NEGR1: variants seen among roughly 807,000 people sequenced by gnomAD.
NEGR1 encodes the protein IgLON family member 4.
A neutral mutation model predicts 40.9 loss-of-function variants in NEGR1; 10 were observed. The observed-to-expected ratio is 0.24, with a 90% CI of 0.15 to 0.42. The LOEUF is 0.42. Among genes scored for constraint, NEGR1 ranks in the 10% least tolerant of loss-of-function variants. The pLI is 1.00. For synonymous variants in NEGR1, 185 were observed against 166.8 expected (o/e 1.11, Z -0.84); for missense variants, 352 against 438.9 (o/e 0.80, Z 1.77).
chr1:72,148,923 C>T (rs1651014056), intron 1 of NEGR1, among the ~76,000 whole-genome samples: 1 of 152,130 alleles, frequency 6.6e-6, no homozygotes, highest in African/African-American at 2.4e-5. Context: ...TCTTCTGAGC[C>T]CTCCAAACTG....
chr1:72,183,440 TCCTTCCACAGA>T (rs2100417021), intron 1 of NEGR1, among the ~76,000 whole-genome samples: 1 of 152,232 alleles, frequency 6.6e-6, no homozygotes, highest in East Asian at 1.9e-4. Flanking sequence ...CCTCTGTCTC[TCCTTCCACAGA>T]CATCAGATGA....
At chr1:71,808,996 G>A (rs1657884074) in intron 2 of NEGR1, among the ~76,000 whole-genome samples, 1 of 152,072 alleles carries the variant, frequency 6.6e-6, no homozygotes, top group Admixed American at 6.6e-5. Flanking sequence ...CCATTTACAT[G>A]ATTAGATCCT....
intron 2 of NEGR1, among the ~76,000 whole-genome samples, chr1:71,927,614 A>G (rs1645786917): frequency 1.3e-5 from 2 of 151,796 alleles, no homozygotes; most frequent in South Asian, 4.2e-4. Context: ...GTCTCTCTAG[A>G]CCTCAATAAT....
intron 3 of NEGR1, among the ~76,000 whole-genome samples, chr1:71,722,984 T>C (rs1395640321): frequency 1.3e-5 from 2 of 152,100 alleles, no homozygotes; most frequent in Non-Finnish European, 2.9e-5. Context: ...CCTAGTATTT[T>C]ATATAAATGG....
At chr1:72,204,160 G>C (rs975810118) in intron 1 of NEGR1, among the ~76,000 whole-genome samples, 1 of 152,078 alleles carries the variant, frequency 6.6e-6, no homozygotes, top group East Asian at 1.9e-4. Context: ...ATCAAACAAA[G>C]TTACACCGTG....
intron 2 of NEGR1, among the ~76,000 whole-genome samples, chr1:71,780,387 C>G (rs1176440374): frequency 6.6e-6 from 1 of 152,062 alleles, no homozygotes; most frequent in Non-Finnish European, 1.5e-5. Flanking sequence ...TTATATGATA[C>G]CATAAAAAGA....
intron 5 of NEGR1, among the ~76,000 whole-genome samples, chr1:71,603,981 C>A (rs1029227996): frequency 1.8e-4 from 28 of 152,046 alleles, no homozygotes; most frequent in African/African-American, 6.8e-4. Flanking sequence ...TGTTTCAGAG[C>A]CATGTTACAT....
intron 4 of NEGR1, among the ~76,000 whole-genome samples, chr1:71,663,180 A>G (rs1652126040): frequency 6.6e-6 from 1 of 151,748 alleles, no homozygotes; most frequent in Non-Finnish European, 1.5e-5. Flanking sequence ...GATGGTCTCT[A>G]TCTCCTGACC....
chr1:71,952,526 C>G (rs768833567), intron 1 of NEGR1, among the ~76,000 whole-genome samples: 25 of 152,064 alleles, frequency 1.6e-4, no homozygotes, highest in Non-Finnish European at 2.5e-4. Flanking sequence ...GAAGCTGTCT[C>G]TATAACATAA....
At chr1:71,926,973 T>C (rs948660110) in intron 2 of NEGR1, among the ~76,000 whole-genome samples, 1 of 152,170 alleles carries the variant, frequency 6.6e-6, no homozygotes. Flanking sequence ...AGAAAAGTAA[T>C]GTTCAATAAT....
intron 1 of NEGR1, among the ~76,000 whole-genome samples, chr1:71,968,480 C>T (rs917527134): frequency 1.3e-5 from 2 of 152,050 alleles, no homozygotes; most frequent in South Asian, 2.1e-4. Flanking sequence ...GGGATGCATC[C>T]GTGAACAAAA....
intron 1 of NEGR1, among the ~76,000 whole-genome samples, chr1:72,044,162 T>C (rs1394337595): frequency 6.6e-6 from 1 of 151,572 alleles, no homozygotes; most frequent in Non-Finnish European, 1.5e-5. Flanking sequence ...CTGAACACAG[T>C]GCTTGACATA....
intron 1 of NEGR1, among the ~76,000 whole-genome samples, chr1:72,118,512 T>C (rs957334555): frequency 8.6e-5 from 13 of 151,800 alleles, no homozygotes; most frequent in African/African-American, 3.1e-4. Context: ...TGGCAATAAT[T>C]AGGGCAACAG....
chr1:71,718,170 T>C (rs762640063), intron 3 of NEGR1, among the ~76,000 whole-genome samples: 10 of 152,208 alleles, frequency 6.6e-5, no homozygotes, highest in Non-Finnish European at 7.3e-5. Flanking sequence ...CCTAATCTCA[T>C]GTTGAATTGG....
At chr1:72,093,137 C>A (rs895934640) in intron 1 of NEGR1, among the ~76,000 whole-genome samples, 4 of 151,946 alleles carry the variant, frequency 2.6e-5, no homozygotes, top group Non-Finnish European at 5.9e-5. Flanking sequence ...TCGAGATCAT[C>A]CTGGCCAATG....
intron 2 of NEGR1, among the ~76,000 whole-genome samples, chr1:71,821,223 C>T (rs536344418): frequency 1.3e-5 from 2 of 151,980 alleles, no homozygotes; most frequent in Non-Finnish European, 2.9e-5. Context: ...CAGTACTTCC[C>T]ATTAATCCAT....
At chr1:71,541,916 T>C (rs1647717010) in intron 6 of NEGR1, among the ~76,000 whole-genome samples, 1 of 151,816 alleles carries the variant, frequency 6.6e-6, no homozygotes, top group Non-Finnish European at 1.5e-5. Flanking sequence ...TCTGGACTTA[T>C]TTATTCCTTT....
intron 6 of NEGR1, among the ~76,000 whole-genome samples, chr1:71,560,460 T>TATATATATATATCTATATA (rs1198448626): frequency 7.0e-6 from 1 of 143,238 alleles, no homozygotes; most frequent in Non-Finnish European, 1.5e-5. Flanking sequence ...TATATATATA[T>TATATATATATATCTATATA]TTCCAATTAA....
At chr1:71,825,413 T>C (rs1658583731) in intron 2 of NEGR1, among the ~76,000 whole-genome samples, 1 of 151,928 alleles carries the variant, frequency 6.6e-6, no homozygotes, top group Non-Finnish European at 1.5e-5. Flanking sequence ...CACATTTTCA[T>C]TCAGAAGATT....
Sources: gnomAD v4.1 joint callset for allele counts (sites outside exome capture counted in the v4.1 genomes callset) on GRCh38, gnomAD v4.1.1 for gene constraint, MANE v1.5 for transcripts, NCBI Gene and HGNC (gene_info 2026-07-23, HGNC 2026-07-21) for gene names.